COG4: variants seen among roughly 807,000 people sequenced by gnomAD.
COG4 encodes conserved oligomeric Golgi complex subunit 4.
In COG4, 65 loss-of-function variants were observed where a neutral mutation model predicts 95.1. The observed-to-expected ratio is 0.68, with a 90% CI of 0.56 to 0.84. The LOEUF (loss-of-function observed/expected upper bound fraction) is 0.84. COG4 is among the 40% of genes least tolerant of loss of function. The pLI is 0.00. For missense variants in COG4, 1,045 were observed against 989.1 expected (o/e 1.06, Z -0.76); for synonymous variants, 421 against 374.8 (o/e 1.12, Z -1.42).
At chr16:70,521,385 CT>C (rs983338852) in intron 1 of COG4, among the ~76,000 whole-genome samples, 2 of 151,786 alleles carry the variant, frequency 1.3e-5, no homozygotes, top group Non-Finnish European at 2.9e-5. Context: ...ACCCGGCTAA[CT>C]TTTGCATTTT....
At chr16:70,509,451 C>G in intron 6 of COG4, 63 bp from the exon 7 acceptor site, 2 of 1,580,640 alleles carry the variant, frequency 1.3e-6, no homozygotes, top group South Asian at 2.2e-5. Flanking sequence ...AAACTTGCTC[C>G]CATCCAGGAC....
chr16:70,515,025 T>C lies in COG4; in HGVS notation c.370-516A>G, dbSNP rs948315373. 4.1e-5 allele frequency among the ~76,000 whole-genome samples: 6 copies of C among 145,906 alleles called. No individual in the cohort carries two copies. In the East Asian group the frequency reaches 1.2e-3, roughly 30 times the overall value. ...CACAGAGCCCAACTTTTTTTTTTTT[T>C]TTCTTCTTGAGACAGAGTCTCACTC... is the stretch of plus-strand genomic sequence containing the variant. On this transcript the variant is annotated intron_variant, in intron 3 of 18. Coordinates refer to ENST00000323786, the MANE Select transcript of COG4 (RefSeq NM_015386.3).
rs1166525292 is a variant in COG4 at position 70,512,414 on chromosome 16, T to A, written c.563A>T (p.Asn188Ile). 6.2e-7 allele frequency: 1 copy of A among 1,613,880 alleles called. No individual in the cohort carries two copies. The highest frequency in any genetic ancestry group is 8.5e-7 in the Non-Finnish European group (1 of 1,179,978). The change falls in exon 5 of 19, where the codon AAC becomes ATC. Residue 188 changes from asparagine to isoleucine, a missense_variant. Physicochemically the swap from Asn to Ile is moderately radical, Grantham distance 149 (BLOSUM62 -3). Coordinates refer to ENST00000323786, the MANE Select transcript of COG4 (RefSeq NM_015386.3). ...CTCAGCTTCCTGCAGCAATTTCAGG[T>A]TGGCATCAATCATGCTCCCTGCTCA... is the stretch of plus-strand genomic sequence containing the variant. The part of the protein sequence containing the change: ...QGKEGSMIDA[N>I]LKLLQEAEQR...
intron 13 of COG4, 44 bp downstream of exon 13, chr16:70,490,286 G>GTTT (rs755326407): frequency 2.7e-6 from 4 of 1,500,824 alleles, no homozygotes; most frequent in Non-Finnish European, 9.3e-7. Context: ...TCTCAACATG[G>GTTT]GAAAAGATGG....
Position 70,497,278 on chromosome 16 carries a change from A to G in COG4, c.1424T>C (p.Ile475Thr). The stretch of plus-strand genomic sequence containing the variant: ...GTTGATCATGGCACAGAGACAGTCA[A>G]TGCTGGAGCTGGACAGAGCCCGCCC... ...CIGRALSSSS[I>T]DCLCAMINLA... Residue 475 changes from isoleucine to threonine, a missense_variant, in exon 11 of 19, where the codon ATT (isoleucine) becomes ACT (threonine). By Grantham distance (89) the Ile-to-Thr change is moderately conservative (BLOSUM62 -1). Coordinates refer to ENST00000323786, the MANE Select transcript of COG4 (RefSeq NM_015386.3). 4 of 1,614,176 alleles carry G rather than the reference A, an allele frequency of 2.5e-6. No individual in the cohort carries two copies. Among genetic ancestry groups the G allele is most frequent in the Non-Finnish European group, 2.5e-6 (3 of 1,180,034 alleles).
In COG4 at chr16:70,481,002, C is replaced by G. The variant is rs377725094; in HGVS notation, c.*8G>C. Reference sequence around the variant, plus strand: ...AGTGTGATGAGCCAGGTGTGCTCATCCAGGCAGCTACAGGCGCAGCCTCTT... The same window carrying G: ...AGTGTGATGAGCCAGGTGTGCTCATGCAGGCAGCTACAGGCGCAGCCTCTT... On this transcript the variant is annotated 3_prime_UTR_variant, in exon 19 of 19. Transcript: ENST00000323786. The G allele has an allele frequency of 5.6e-6, 9 of 1,611,882 alleles. No homozygotes were observed. The highest frequency in any genetic ancestry group is 7.6e-6 in the Non-Finnish European group (9 of 1,180,032).
chr16:70,508,109 CG>C (rs1271088576), intron 8 of COG4, among the ~76,000 whole-genome samples: 11 of 151,694 alleles, frequency 7.3e-5, no homozygotes, highest in African/African-American at 2.7e-4. Flanking sequence ...TTAGTAGAGA[CG>C]GGGTTTCACC....
rs780438634 is a variant in COG4 at position 70,497,399 on chromosome 16, G to A, written c.1315-12C>T. The A allele has an allele frequency of 6.2e-7, 1 of 1,611,762 alleles. No homozygotes were observed. The highest frequency in any genetic ancestry group is 1.7e-5 in the Admixed American group (1 of 60,002). On this transcript the variant is annotated splice_polypyrimidine_tract_variant and intron_variant, in intron 10 of 18. Transcript: ENST00000323786. ...TCCAGAGCCACAGCCTACCCAAAAG[G>A]CAAAGCCAACACTGAGGGTCCCAGT...
chr16:70,517,560 C>G (rs1006064312), intron 3 of COG4, 66 bp downstream of exon 3: 36 of 953,838 alleles, frequency 3.8e-5, no homozygotes, highest in Admixed American at 1.3e-4. Flanking sequence ...TGTACTCCAG[C>G]CTAGGTGACA....
rs2049073105 is a variant in COG4 at position 70,483,986 on chromosome 16, C to G, written c.1711-17G>C. 1.0e-5 allele frequency: 16 copies of G among 1,579,594 alleles called. No homozygotes were observed. The highest frequency in any genetic ancestry group is 1.3e-5 in the Non-Finnish European group (15 of 1,152,770). On this transcript the variant is annotated splice_polypyrimidine_tract_variant and intron_variant, in intron 13 of 18. Transcript: ENST00000323786. ...GCAGTCACTCTAGGGGAGAACACTGCTGTAAGACCACCGAGCACGCGTGGG... is the reference window on the plus strand; with the variant it reads ...GCAGTCACTCTAGGGGAGAACACTGGTGTAAGACCACCGAGCACGCGTGGG...
intron 12 of COG4, among the ~76,000 whole-genome samples, chr16:70,495,396 T>A (rs1272560317): frequency 3.3e-5 from 3 of 89,628 alleles, no homozygotes; most frequent in Non-Finnish European, 6.4e-5. Context: ...AGACTCCATC[T>A]CAAAAAAAAA....
At chr16:70,497,448 T>C (rs2049363490) in intron 10 of COG4, 61 bp from the exon 11 acceptor site, 1 of 1,539,068 alleles carries the variant, frequency 6.5e-7, no homozygotes, top group Admixed American at 1.7e-5. Context: ...TTCTAGATGA[T>C]TCTGGGTACA....
chr16:70,516,497 G>T (rs371746386), intron 3 of COG4, among the ~76,000 whole-genome samples: 1 of 151,830 alleles, frequency 6.6e-6, no homozygotes, highest in Non-Finnish European at 1.5e-5. Flanking sequence ...GGGGTTTCAC[G>T]GTGTTAGCCA....
chr16:70,523,305 G>C (rs2151769024), intron 1 of COG4, 68 bp downstream of exon 1: 1 of 1,586,928 alleles, frequency 6.3e-7, no homozygotes, highest in Non-Finnish European at 8.7e-7. Context: ...CCACAGCCCG[G>C]ATTTCCCGAC....
Position 70,497,387 on chromosome 16 carries a change from C to A in COG4, c.1315G>T (p.Ala439Ser). The A allele has an allele frequency of 1.2e-6, 2 of 1,612,890 alleles. No homozygotes were observed. Among genetic ancestry groups the A allele is most frequent in the South Asian group, 1.1e-5 (1 of 91,080 alleles). ...EYFMRETVNKAVALDTYEKGQ... is the reference protein window; with the variant it reads ...EYFMRETVNKSVALDTYEKGQ... ...TTCTCATAGGTGTCCAGAGCCACAG[C>A]CTACCCAAAAGGCAAAGCCAACACT... The change falls in exon 11 of 19, where the codon GCT becomes TCT. Residue 439 changes from alanine to serine, a missense_variant and splice_region_variant. Transcript: ENST00000323786.
chr16:70,521,846 CG>C (rs2049950509), intron 1 of COG4, among the ~76,000 whole-genome samples: 1 of 150,906 alleles, frequency 6.6e-6, no homozygotes, highest in Non-Finnish European at 1.5e-5. Flanking sequence ...GGACTACAGG[CG>C]CCCGCCACCA....
At chr16:70,490,185 G>A in intron 13 of COG4, 145 bp downstream of exon 13, 1 of 737,004 alleles carries the variant, frequency 1.4e-6, no homozygotes, top group Non-Finnish European at 2.4e-6. Flanking sequence ...AGGATGCCTT[G>A]CTATCATGTC....
intron 3 of COG4, 125 bp downstream of exon 3, chr16:70,517,501 T>C (rs1044067446): frequency 3.0e-5 from 20 of 658,774 alleles, no homozygotes; most frequent in Non-Finnish European, 4.8e-5. Context: ...GGTGGGAGAA[T>C]TGCTTGAGCC....
chr16:70,482,645 C>T, intron 15 of COG4, 84 bp downstream of exon 15: 2 of 1,093,758 alleles, frequency 1.8e-6, no homozygotes, highest in Non-Finnish European at 2.8e-6. Context: ...AAGGTCTAGT[C>T]TGTTCAGATG....
Sources: gnomAD v4.1 joint callset for allele counts (sites outside exome capture counted in the v4.1 genomes callset) on GRCh38, gnomAD v4.1.1 for gene constraint, MANE v1.5 for transcripts, NCBI Gene and HGNC (gene_info 2026-07-23, HGNC 2026-07-21) for gene names.